Variants in GRIK1 observed in about 807,000 individuals in gnomAD.
The protein encoded by GRIK1 is glutamate receptor ionotropic, kainate 1.
GRIK1 carries 69 observed loss-of-function variants against 105.7 expected under a neutral mutation model. The ratio of observed to expected loss-of-function variants is 0.65; its 90% CI spans 0.54 to 0.80. The LOEUF (loss-of-function observed/expected upper bound fraction) is 0.80. Among genes scored for constraint, GRIK1 ranks in the 30% least tolerant of loss-of-function variants. The probability of loss-of-function intolerance (pLI) is 0.00; values close to 1 mark genes in which losing one functional copy is unlikely to be tolerated. For synonymous variants in GRIK1, 438 were observed against 431.3 expected (o/e 1.02, Z -0.19); for missense variants, 1,109 against 1,167.3 (o/e 0.95, Z 0.73).
intron 1 of GRIK1, among the ~76,000 whole-genome samples, chr21:29,936,138 A>T (rs1298262491): frequency 6.6e-6 from 1 of 152,156 alleles, no homozygotes; most frequent in Admixed American, 6.5e-5. Context: ...CGGACGTGGG[A>T]ATCAAACCTA....
At position 29,651,366 on chromosome 21, in the gene GRIK1, T is replaced by C. The variant is rs889687594; in HGVS notation, c.781-75A>G. ...TTTTTATACAAAAGAATATTAATGA[T>C]TGTAGCACCAACTAATACAATGATA... On this transcript the variant is annotated intron_variant, in intron 5 of 17. Transcript: ENST00000327783. 6.2e-6 allele frequency: 6 copies of C among 964,220 alleles called. No individual in the cohort carries two copies. The East Asian group carries it at 1.1e-4, about 18-fold the overall frequency. 59.7% of individuals were successfully genotyped at this position (964,220 alleles called of 1,614,324 possible).
At chr21:29,625,758 A>G (rs551290832) in intron 7 of GRIK1, among the ~76,000 whole-genome samples, 1 of 152,292 alleles carries the variant, frequency 6.6e-6, no homozygotes, top group African/African-American at 2.4e-5. Context: ...TATTAGTACA[A>G]TTCCTGCCAG....
At chr21:29,934,399 C>T (rs1183574690) in intron 1 of GRIK1, among the ~76,000 whole-genome samples, 3 of 152,116 alleles carry the variant, frequency 2.0e-5, no homozygotes, top group Admixed American at 6.6e-5. Flanking sequence ...AACATGTTAA[C>T]GTTAGTCAGG....
At chr21:29,840,894 T>C (rs374657921) in intron 1 of GRIK1, among the ~76,000 whole-genome samples, 2 of 151,810 alleles carry the variant, frequency 1.3e-5, no homozygotes, top group Non-Finnish European at 1.5e-5. Context: ...GAAAAAAACA[T>C]AAACATGGAG....
intron 7 of GRIK1, among the ~76,000 whole-genome samples, chr21:29,631,025 C>T (rs1012609286): frequency 6.6e-6 from 1 of 152,002 alleles, no homozygotes; most frequent in African/African-American, 2.4e-5. Flanking sequence ...TCAGGCTGGT[C>T]TAGAACTCCT....
chr21:29,790,025 G>T (rs190962491), intron 1 of GRIK1, among the ~76,000 whole-genome samples: 42 of 152,252 alleles, frequency 2.8e-4, no homozygotes, highest in African/African-American at 9.9e-4. Context: ...GTTCACGTAA[G>T]TCTCCTTTAA....
chr21:29,561,609 G>A lies in GRIK1; in HGVS notation c.2356+15C>T. 4 of 1,516,572 alleles carry A rather than the reference G, an allele frequency of 2.6e-6. No homozygotes were observed. The highest frequency in any genetic ancestry group is 2.2e-5 in the South Asian group (2 of 89,070). The allele number at this position is 1,516,572 out of a possible 1,614,324, so 93.9% of individuals were successfully genotyped here. ...ATTCTGTATCTCAGTCTTGGTTCAT[G>A]TCTACCCGTCTTACCAATAGGTGTT... On this transcript the variant is annotated intron_variant, in intron 15 of 17. Coordinates refer to ENST00000327783, the MANE Select transcript of GRIK1 (RefSeq NM_001330994.2).
intron 1 of GRIK1, among the ~76,000 whole-genome samples, chr21:29,879,479 G>A (rs112661152): frequency 5.9e-5 from 9 of 151,972 alleles, no homozygotes; most frequent in African/African-American, 2.2e-4. Flanking sequence ...TAGATAGCTA[G>A]GTATGCATTT....
chr21:29,664,940 G>A lies in GRIK1; in HGVS notation c.726+8043C>T, dbSNP rs143093467. ...AAGCTGAAGTTTGTTGATCCAATAGGCTTAAGATGTGCCCTGACATACATA... is the reference window on the plus strand; with the variant it reads ...AAGCTGAAGTTTGTTGATCCAATAGACTTAAGATGTGCCCTGACATACATA... On this transcript the variant is annotated intron_variant, in intron 4 of 17. Transcript: ENST00000327783. 2.6e-3 allele frequency among the ~76,000 whole-genome samples: 390 copies of A among 152,192 alleles called. 4 individuals are homozygous for A. Among genetic ancestry groups the A allele is most frequent in the African/African-American group, 8.9e-3 (371 of 41,536 alleles).
At chr21:29,784,788 G>A (rs1199772633) in intron 1 of GRIK1, among the ~76,000 whole-genome samples, 1 of 152,136 alleles carries the variant, frequency 6.6e-6, no homozygotes. Flanking sequence ...GTTCACACAA[G>A]TTAAGATACA....
At chr21:29,630,263 G>C (rs535340861) in intron 7 of GRIK1, among the ~76,000 whole-genome samples, 1 of 152,086 alleles carries the variant, frequency 6.6e-6, no homozygotes, top group Non-Finnish European at 1.5e-5. Flanking sequence ...ATATAGTTGT[G>C]GTAGGCAGAA....
intron 10 of GRIK1, among the ~76,000 whole-genome samples, chr21:29,589,866 T>C (rs2061307609): frequency 6.6e-6 from 1 of 152,256 alleles, no homozygotes; most frequent in South Asian, 2.1e-4. Context: ...ATGATTTATA[T>C]ATTTTGATTG....
At chr21:29,629,329 C>A (rs982393573) in intron 7 of GRIK1, among the ~76,000 whole-genome samples, 4 of 151,496 alleles carry the variant, frequency 2.6e-5, no homozygotes, top group African/African-American at 9.7e-5. Context: ...AAAGGGCATT[C>A]TTAGCAGAGG....
intron 1 of GRIK1, among the ~76,000 whole-genome samples, chr21:29,695,509 C>G (rs1233452026): frequency 1.3e-5 from 2 of 151,532 alleles, no homozygotes; most frequent in East Asian, 3.9e-4. Flanking sequence ...GAGTCTTGCT[C>G]TGTTGCCCAG....
At chr21:29,645,140 T>A (rs1431621583) in intron 6 of GRIK1, among the ~76,000 whole-genome samples, 1 of 152,230 alleles carries the variant, frequency 6.6e-6, no homozygotes, top group African/African-American at 2.4e-5. Context: ...ATTTTACATA[T>A]GTCATCTTTT....
At chr21:29,755,252 G>A (rs1471738073) in intron 1 of GRIK1, among the ~76,000 whole-genome samples, 3 of 152,130 alleles carry the variant, frequency 2.0e-5, no homozygotes, top group Non-Finnish European at 4.4e-5. Flanking sequence ...TTTATTTGAA[G>A]CATGATCATC....
chr21:29,569,421 G>T (rs1488209246), intron 14 of GRIK1, among the ~76,000 whole-genome samples: 1 of 152,168 alleles, frequency 6.6e-6, no homozygotes, highest in Non-Finnish European at 1.5e-5. Context: ...AAGGTACAGA[G>T]AGTTTAAGTT....
chr21:29,874,246 T>A (rs573019893), intron 1 of GRIK1, among the ~76,000 whole-genome samples: 1 of 152,264 alleles, frequency 6.6e-6, no homozygotes, highest in Admixed American at 6.5e-5. Flanking sequence ...CCATGTTAAA[T>A]GTTACCCGAG....
chr21:29,541,813 G>A (rs1407486280), intron 16 of GRIK1, among the ~76,000 whole-genome samples: 1 of 71,280 alleles, frequency 1.4e-5, no homozygotes, highest in African/African-American at 4.1e-5. Flanking sequence ...AACTTGTATT[G>A]TGCTTTATAC....
Sources: allele counts gnomAD v4.1 joint callset (sites outside exome capture counted in the v4.1 genomes callset), GRCh38; gene constraint gnomAD v4.1.1; transcripts MANE v1.5; gene names NCBI Gene and HGNC (gene_info 2026-07-23, HGNC 2026-07-21).